ABCC2: variants seen among roughly 807,000 people sequenced by gnomAD.
ABCC2 encodes the protein ATP-binding cassette sub-family C member 2.
ABCC2 carries 157 observed loss-of-function variants against 173.4 expected under a neutral mutation model. That is an observed-to-expected ratio of 0.91 (90% CI 0.80 to 1.03). ABCC2 has a LOEUF of 1.03. ABCC2 is among the 50% of genes least tolerant of loss of function. The pLI is 0.00. For missense variants in ABCC2, 1,822 were observed against 1,852.3 expected, an observed-to-expected ratio of 0.98 and a Z score of 0.30; for synonymous variants, 657 against 693.5, an observed-to-expected ratio of 0.95 and a Z score of 0.83.
At chr10:99,809,446 C>A (rs77676681) in intron 13 of ABCC2, among the ~76,000 whole-genome samples, 1,611 of 152,262 alleles carry the variant, frequency 0.011, 27 homozygotes, top group Middle Eastern at 0.041. Context: ...ATCCATGCAG[C>A]AGTTAAGTGG....
rs781760876 is a variant in ABCC2 at position 99,819,157 on chromosome 10, T to C, written c.2508T>C (p.Asn836=). Residue 836 remains asparagine (N), a synonymous_variant, in exon 19 of 32, where the codon AAT becomes AAC. Transcript: ENST00000647814. ...TGGATGAGATTGTAGTTCTGGGGAA[T>C]GGAACAATTGTAGAGAAAGGATCCT... ...PQVDEIVVLG[N]GTIVEKGSYS... is the part of the protein sequence containing the mutation. The C allele has an allele frequency of 1.9e-6, 3 of 1,614,158 alleles. No individual in the cohort carries two copies. Among genetic ancestry groups the C allele is most frequent in the South Asian group, 2.2e-5 (2 of 91,086 alleles).
intron 11 of ABCC2, among the ~76,000 whole-genome samples, chr10:99,805,944 A>T (rs1554849134): frequency 6.6e-6 from 1 of 152,196 alleles, no homozygotes; most frequent in Non-Finnish European, 1.5e-5. Context: ...ATACCATCAA[A>T]GTTCTCCAGT....
chr10:99,804,627 C>A (rs913846581), intron 10 of ABCC2, among the ~76,000 whole-genome samples: 2 of 152,096 alleles, frequency 1.3e-5, no homozygotes, highest in African/African-American at 4.8e-5. Flanking sequence ...CCACAGAGAG[C>A]AGTCGCATGA....
rs1358275887 is a variant in ABCC2, at chr10:99,814,092, C to A, written c.2094+948C>A. On this transcript the variant is annotated intron_variant, in intron 16 of 31. Coordinates refer to ENST00000647814, the MANE Select transcript of ABCC2 (RefSeq NM_000392.5). ...ATATATATGTGTATGTGTATATACA[C>A]ATATATATACACACATATGTGTATA... Among the ~76,000 whole-genome samples, 2 of 133,108 alleles carry A rather than the reference C, an allele frequency of 1.5e-5. 1 individual carries two copies. Among genetic ancestry groups the A allele is most frequent in the Non-Finnish European group, 3.2e-5 (2 of 62,020 alleles). The allele number at this position is 133,108 out of a possible 152,430, so 87.3% of individuals were successfully genotyped here.
At chr10:99,824,890 C>A (rs2038603739) in intron 19 of ABCC2, among the ~76,000 whole-genome samples, 1 of 85,434 alleles carries the variant, frequency 1.2e-5, no homozygotes, top group Non-Finnish European at 2.4e-5. Context: ...TCTAACTGTT[C>A]ATTTGCTAAT....
intron 26 of ABCC2, 36 bp downstream of exon 26, chr10:99,842,129 G>C: frequency 6.2e-7 from 1 of 1,613,590 alleles, no homozygotes; most frequent in South Asian, 1.1e-5. Flanking sequence ...TTTCGTTAGT[G>C]TGCTTATTCT....
chr10:99,811,453 T>G, intron 14 of ABCC2, 83 bp from the exon 15 acceptor site: 15 of 1,363,944 alleles, frequency 1.1e-5, no homozygotes, highest in Non-Finnish European at 1.5e-5. Flanking sequence ...TAGGAGCTGA[T>G]GGAGAAAGCG....
chr10:99,816,255 C>T (rs571346302), intron 16 of ABCC2, among the ~76,000 whole-genome samples: 307 of 151,978 alleles, frequency 2.0e-3, no homozygotes, highest in Non-Finnish European at 3.5e-3. Context: ...CGTGAGCCAC[C>T]GCGCCCGGCC....
chr10:99,841,962 C>G lies in ABCC2; in HGVS notation c.3615-5C>G, dbSNP rs1160487440. On this transcript the variant is annotated splice_region_variant and splice_polypyrimidine_tract_variant and intron_variant, in intron 25 of 31. Transcript: ENST00000647814. ...CACGCACTCTCTGGTTCTGTTGCCCCACAGGTGGCTTGCAATTCGCCTGGA... is the reference window on the plus strand; with the variant it reads ...CACGCACTCTCTGGTTCTGTTGCCCGACAGGTGGCTTGCAATTCGCCTGGA... The G allele has an allele frequency of 6.2e-7, 1 of 1,614,000 alleles. No individual in the cohort carries two copies. Among genetic ancestry groups the G allele is most frequent in the Non-Finnish European group, 8.5e-7 (1 of 1,180,004 alleles).
intron 2 of ABCC2, among the ~76,000 whole-genome samples, chr10:99,787,469 A>AG (rs2037736253): frequency 6.6e-6 from 1 of 151,528 alleles, no homozygotes; most frequent in African/African-American, 2.4e-5. Flanking sequence ...GGGGGGACGG[A>AG]GTCTCGTTCT....
intron 9 of ABCC2, among the ~76,000 whole-genome samples, chr10:99,801,719 G>T (rs2038018854): frequency 2.6e-5 from 4 of 152,176 alleles, no homozygotes; most frequent in Admixed American, 2.6e-4. Flanking sequence ...TTATAAGTTG[G>T]AACACTAGTT....
At chr10:99,794,667 C>T (rs1387564295) in intron 6 of ABCC2, 199 bp downstream of exon 6, 8 of 539,648 alleles carry the variant, frequency 1.5e-5, no homozygotes, top group Admixed American at 6.1e-5. Context: ...GCCTCAGCCT[C>T]GCAAGTAGCT....
intron 15 of ABCC2, 72 bp downstream of exon 15, chr10:99,811,674 T>C (rs1376059377): frequency 1.3e-6 from 2 of 1,512,914 alleles, no homozygotes; most frequent in African/African-American, 2.7e-5. Flanking sequence ...GAAAATTCCA[T>C]GTAATAGAAT....
intron 11 of ABCC2, among the ~76,000 whole-genome samples, chr10:99,806,124 C>CA (rs1304342535): frequency 4.4e-5 from 6 of 137,742 alleles, no homozygotes; most frequent in African/African-American, 1.8e-4. Flanking sequence ...TTGGTCATTC[C>CA]AAAAAAACTA....
chr10:99,794,292 T>A (rs1033214230), intron 5 of ABCC2, 121 bp from the exon 6 acceptor site: 156 of 963,404 alleles, frequency 1.6e-4, no homozygotes, highest in Non-Finnish European at 1.8e-5. Context: ...AAGCTGACTT[T>A]AACATCATAT....
intron 6 of ABCC2, among the ~76,000 whole-genome samples, chr10:99,795,738 G>GGAAAGAAAGAAAGAAA (rs1205497592): frequency 3.5e-5 from 1 of 28,730 alleles, no homozygotes; most frequent in African/African-American, 1.2e-4. Flanking sequence ...AAAGAAAGAA[G>GGAAAGAAAGAAAGAAA]GAAAGAAAGA....
chr10:99,784,219 T>C (rs532282584), intron 1 of ABCC2, among the ~76,000 whole-genome samples: 1 of 152,244 alleles, frequency 6.6e-6, no homozygotes, highest in South Asian at 2.1e-4. Context: ...TATCTGCCAG[T>C]GAGTTCAGTT....
At chr10:99,830,491 T>C in intron 20 of ABCC2, 58 bp downstream of exon 20, 1 of 1,612,840 alleles carries the variant, frequency 6.2e-7, no homozygotes, top group Non-Finnish European at 8.5e-7. Context: ...CTTGATCTTT[T>C]TCTTTTTCTT....
chr10:99,807,612 C>T, intron 12 of ABCC2, 91 bp downstream of exon 12: 1 of 1,572,554 alleles, frequency 6.4e-7, no homozygotes, highest in Non-Finnish European at 8.7e-7. Flanking sequence ...GACTAGCTGG[C>T]ATCTCTAGGC....
Sources: gnomAD v4.1 joint callset for allele counts (sites outside exome capture counted in the v4.1 genomes callset) on GRCh38, gnomAD v4.1.1 for gene constraint, MANE v1.5 for transcripts, NCBI Gene and HGNC (gene_info 2026-07-23, HGNC 2026-07-21) for gene names.